Variants in COL4A5 observed in about 807,000 individuals in gnomAD.
COL4A5 encodes the protein collagen alpha-5(IV) chain.
COL4A5 carries 26 observed loss-of-function variants against 130.2 expected under a neutral mutation model. The ratio of observed to expected loss-of-function variants is 0.20; its 90% CI spans 0.15 to 0.28. The LOEUF is 0.28. Among genes scored for constraint, COL4A5 ranks in the 10% least tolerant of loss-of-function variants. The pLI, the probability that COL4A5 is intolerant of heterozygous loss-of-function variation, is 1.00. For missense variants in COL4A5, 1,131 were observed against 1,344.3 expected (o/e 0.84, Z 2.48); for synonymous variants, 496 against 439.6 (o/e 1.13, Z -1.60).
intron 36 of COL4A5, among the ~76,000 whole-genome samples, chrX:108,635,029 G>A (rs777241739): frequency 5.4e-5 from 6 of 111,317 alleles, no homozygotes; most frequent in African/African-American, 1.6e-4. Flanking sequence ...ATATCAGATA[G>A]GTAGTTTGTT....
chrX:108,651,688 A>G (rs1412887855), intron 36 of COL4A5, among the ~76,000 whole-genome samples: 3 of 111,887 alleles, frequency 2.7e-5, no homozygotes, highest in African/African-American at 6.5e-5. Context: ...TATTATGCCT[A>G]TCTTGCATGG....
At chrX:108,555,172 G>A (rs768174263) in intron 2 of COL4A5, among the ~76,000 whole-genome samples, 46 of 111,697 alleles carry the variant, frequency 4.1e-4, no homozygotes, top group African/African-American at 1.3e-3. Context: ...TTTACTGGGC[G>A]CTGGTTAGAA....
At chrX:108,557,827 G>C (rs756653095) in intron 2 of COL4A5, among the ~76,000 whole-genome samples, 51 of 110,647 alleles carry the variant, frequency 4.6e-4, no homozygotes, top group Non-Finnish European at 8.3e-4. Flanking sequence ...AATGAGGTCT[G>C]ACCAGAGGCA....
intron 1 of COL4A5, among the ~76,000 whole-genome samples, chrX:108,446,591 T>C (rs1337372456): frequency 8.9e-6 from 1 of 111,886 alleles, no homozygotes; most frequent in East Asian, 2.8e-4. Context: ...GTTAGGTAGC[T>C]AATGTTATTT....
chrX:108,573,381 A>G (rs2066095622), intron 8 of COL4A5, among the ~76,000 whole-genome samples, 193 bp from the exon 9 acceptor site: 1 of 111,726 alleles, frequency 9.0e-6, no homozygotes, highest in African/African-American at 3.2e-5. Flanking sequence ...TAATAAATCT[A>G]CTGTTCTTCA....
At chrX:108,448,859 C>T (rs745533768) in intron 1 of COL4A5, among the ~76,000 whole-genome samples, 7 of 111,679 alleles carry the variant, frequency 6.3e-5, no homozygotes, top group Non-Finnish European at 1.3e-4. Context: ...TCTGTACTGC[C>T]ATACTCTGCC....
chrX:108,466,425 T>TAA (rs2064707065), intron 1 of COL4A5, among the ~76,000 whole-genome samples: 1 of 111,827 alleles, frequency 8.9e-6, no homozygotes, highest in Non-Finnish European at 1.9e-5. Context: ...TTTGTTTTGT[T>TAA]TATTTTAAGT....
chrX:108,665,684 A>T, intron 38 of COL4A5, 97 bp downstream of exon 38: 1 of 593,053 alleles, frequency 1.7e-6, no homozygotes, highest in Non-Finnish European at 2.8e-6. Context: ...GAACATTTTC[A>T]ACACAAGGAA....
At chrX:108,631,753 G>C (rs1232221288) in intron 36 of COL4A5, among the ~76,000 whole-genome samples, 1 of 111,337 alleles carries the variant, frequency 9.0e-6, no homozygotes, top group Non-Finnish European at 1.9e-5. Flanking sequence ...ATGAAATTAA[G>C]GCAGAAATAA....
intron 37 of COL4A5, among the ~76,000 whole-genome samples, chrX:108,664,983 G>A (rs746022441): frequency 9.8e-5 from 11 of 112,126 alleles, no homozygotes; most frequent in Non-Finnish European, 1.5e-4. Context: ...TGGTTTGGCA[G>A]TTTTTAAATA....
chrX:108,695,099 G>T, intron 51 of COL4A5, 168 bp from the exon 52 acceptor site: 1 of 685,540 alleles, frequency 1.5e-6, no homozygotes, highest in Non-Finnish European at 2.3e-6. Flanking sequence ...TTCATAATCT[G>T]CCTATTACTT....
chrX:108,666,888 A>G (rs1237223432), intron 39 of COL4A5, among the ~76,000 whole-genome samples: 1 of 111,837 alleles, frequency 8.9e-6, no homozygotes, highest in Non-Finnish European at 1.9e-5. Flanking sequence ...TCTATATTTC[A>G]TTTATATTTT....
At chrX:108,568,986 A>G (rs1267958414) in intron 6 of COL4A5, 165 bp downstream of exon 6, 1 of 446,262 alleles carries the variant, frequency 2.2e-6, no homozygotes. Flanking sequence ...TTGAACTATC[A>G]ATAATTTCAT....
intron 1 of COL4A5, among the ~76,000 whole-genome samples, chrX:108,480,133 C>T (rs187664649): frequency 3.1e-4 from 35 of 111,757 alleles, no homozygotes; most frequent in African/African-American, 1.1e-3. Flanking sequence ...GGCAGCCTTT[C>T]GGGTCACTCG....
chrX:108,559,580 C>T (rs779549505), intron 3 of COL4A5, among the ~76,000 whole-genome samples: 1 of 111,400 alleles, frequency 9.0e-6, no homozygotes, highest in East Asian at 2.8e-4. Context: ...TCTATTTGTC[C>T]CCATGGTGCA....
Position 108,621,805 on chromosome X carries a change from A to G in COL4A5, c.2680A>G (p.Thr894Ala), listed in dbSNP as rs1281261876. ...GKAGASGFPG[T>A]KGEMGMMGPP... Reference sequence around the variant, plus strand: ...TTACTTATTGATATTCTTCAAAGGTACCAAAGGTGAAATGGGTATGATGGG... The same window carrying G: ...TTACTTATTGATATTCTTCAAAGGTGCCAAAGGTGAAATGGGTATGATGGG... The change falls in exon 32 of 53, where the codon ACC becomes GCC. Residue 894 changes from threonine (T) to alanine (A), a missense_variant and splice_region_variant. Transcript: ENST00000328300. 8.3e-7 allele frequency: 1 copy of G among 1,198,390 alleles called. No homozygotes were observed. Among genetic ancestry groups the G allele is most frequent in the South Asian group, 1.8e-5 (1 of 56,403 alleles).
chrX:108,500,449 C>T (rs1404793701), intron 1 of COL4A5, among the ~76,000 whole-genome samples: 6 of 111,883 alleles, frequency 5.4e-5, no homozygotes, highest in Non-Finnish European at 9.4e-5. Context: ...GGCTACGCAA[C>T]GTCAGGTGAC....
chrX:108,544,064 T>A (rs2065598992), intron 2 of COL4A5, among the ~76,000 whole-genome samples: 1 of 111,882 alleles, frequency 8.9e-6, no homozygotes, highest in Non-Finnish European at 1.9e-5. Context: ...ACAGGGACAA[T>A]TTGACTTCCT....
Position 108,666,669 on chromosome X carries a change from C to T in COL4A5, c.3553+75C>T, listed in dbSNP as rs189088454. On this transcript the variant is annotated intron_variant, in intron 39 of 52. Coordinates refer to ENST00000328300, the MANE Select transcript of COL4A5 (RefSeq NM_033380.3). Reference sequence around the variant, plus strand: ...ATTTAACTTGCCTTTTTATTACCCACAGTGAAATTGTATCTTCTTTCTTAC... The same window carrying T: ...ATTTAACTTGCCTTTTTATTACCCATAGTGAAATTGTATCTTCTTTCTTAC... 122 of 842,448 alleles carry T rather than the reference C, an allele frequency of 1.4e-4. 1 individual carries two copies. Among genetic ancestry groups the T allele is most frequent in the Admixed American group, 8.0e-4 (30 of 37,713 alleles). The allele number at this position is 842,448 out of a possible 1,213,427, so 69.4% of individuals were successfully genotyped here.
Sources: gnomAD v4.1 joint callset for allele counts (sites outside exome capture counted in the v4.1 genomes callset) on GRCh38, gnomAD v4.1.1 for gene constraint, MANE v1.5 for transcripts, NCBI Gene and HGNC (gene_info 2026-07-23, HGNC 2026-07-21) for gene names.